The following GOLPH3 variants were observed in gnomAD, a reference collection of about 807,000 sequenced individuals.
The protein encoded by GOLPH3 is golgi phosphoprotein 3, also known as coat protein GPP34.
In GOLPH3, 14 loss-of-function variants were observed where a neutral mutation model predicts 28.5. That is an observed-to-expected ratio of 0.49 (90% CI 0.32 to 0.77). GOLPH3 has a LOEUF of 0.77. Ranked by LOEUF, GOLPH3 falls within the 30% of genes least tolerant of loss-of-function variation. The pLI is 0.03. For synonymous variants in GOLPH3, 158 were observed against 159.2 expected (o/e 0.99, Z 0.06); for missense variants, 350 against 393.7 (o/e 0.89, Z 0.94).
At chr5:32,138,513 T>G (rs936422188) in intron 2 of GOLPH3, among the ~76,000 whole-genome samples, 1 of 152,128 alleles carries the variant, frequency 6.6e-6, no homozygotes, top group Non-Finnish European at 1.5e-5. Context: ...ATTAGGTATA[T>G]CTCCTAATGC....
At chr5:32,141,870 C>A (rs1746070646) in intron 2 of GOLPH3, among the ~76,000 whole-genome samples, 1 of 148,564 alleles carries the variant, frequency 6.7e-6, no homozygotes. Context: ...TCCCGAGGTG[C>A]CGGGATTGCA....
At chr5:32,165,160 A>G (rs904345262) in intron 1 of GOLPH3, among the ~76,000 whole-genome samples, 2 of 152,062 alleles carry the variant, frequency 1.3e-5, no homozygotes, top group Non-Finnish European at 2.9e-5. Context: ...TCAGCCTCCC[A>G]AAGTGCTGGG....
Position 32,126,253 on chromosome 5 carries a change from T to C in GOLPH3, c.856A>G (p.Asn286Asp), listed in dbSNP as rs200737295. Residue 286 changes from asparagine to aspartate, a missense_variant, in exon 4 of 4, where the codon AAT (asparagine) becomes GAT (aspartate). Asn to Asp is a conservative substitution (Grantham distance 23). Coordinates refer to ENST00000265070, the MANE Select transcript of GOLPH3 (RefSeq NM_022130.4). Reference sequence around the variant, plus strand: ...GCCACCACCGCCCACAGAACCTCATTGGTGTTGGCCTTCAGACATTCCACT... The same window carrying C: ...GCCACCACCGCCCACAGAACCTCATCGGTGTTGGCCTTCAGACATTCCACT... ...PEVECLKANT[N>D]EVLWAVVAAF... 20 of 1,613,878 alleles carry C rather than the reference T, an allele frequency of 1.2e-5. No homozygotes were observed. In the Admixed American group the frequency reaches 2.7e-4, roughly 22 times the overall value.
intron 1 of GOLPH3, among the ~76,000 whole-genome samples, chr5:32,148,761 C>T (rs1310972980): frequency 6.6e-6 from 1 of 152,188 alleles, no homozygotes; most frequent in African/African-American, 2.4e-5. Flanking sequence ...CGCGCCAATG[C>T]ACTCCAGCCT....
Position 32,173,668 on chromosome 5 carries a change from T to A in GOLPH3, c.225+142A>T, listed in dbSNP as rs73752829. ...AACTCCGACACCGCTCGGCGTCAGC[T>A]GGGCGCCACCAGGCGCGGACTTCGG... On this transcript the variant is annotated intron_variant, in intron 1 of 3. Transcript: ENST00000265070. 2.3e-3 allele frequency: 1,120 copies of A among 495,274 alleles called. 18 individuals carry two copies. Among genetic ancestry groups the A allele is most frequent in the African/African-American group, 0.021 (1,040 of 49,500 alleles). 30.7% of individuals were successfully genotyped at this position (495,274 alleles called of 1,614,324 possible). A position where few individuals can be genotyped will look rare whatever the true frequency, so the allele number is the denominator to read the frequency against.
In GOLPH3 at chr5:32,133,628, T is replaced by C. The variant is rs373218015; in HGVS notation, c.472+1944A>G. On this transcript the variant is annotated intron_variant, in intron 3 of 3. Transcript: ENST00000265070. Reference sequence around the variant, plus strand: ...ATTATGTTTACTAATATTTAACATATAGAGTTGACATTAATGCCCTGAGTC... The same window carrying C: ...ATTATGTTTACTAATATTTAACATACAGAGTTGACATTAATGCCCTGAGTC... Among the ~76,000 whole-genome samples the C allele has an allele frequency of 2.7e-4, 41 of 152,370 alleles. No homozygotes were observed. In the South Asian group the frequency reaches 8.1e-3, roughly 30 times the overall value.
chr5:32,161,459 GGAAAGGTGGAGA>G (rs1427169348), intron 1 of GOLPH3, among the ~76,000 whole-genome samples: 1 of 150,254 alleles, frequency 6.7e-6, no homozygotes, highest in Non-Finnish European at 1.5e-5. Context: ...CTGAGAATAT[GGAAAGGTGGAGA>G]GAACTGCTGA....
intron 1 of GOLPH3, among the ~76,000 whole-genome samples, chr5:32,161,003 C>A (rs1746559486): frequency 7.0e-6 from 1 of 142,214 alleles, no homozygotes; most frequent in South Asian, 2.2e-4. Flanking sequence ...GGAGGCGGAG[C>A]CTGCAGTGAG....
chr5:32,134,030 T>C (rs554647172), intron 3 of GOLPH3, among the ~76,000 whole-genome samples: 3 of 152,346 alleles, frequency 2.0e-5, no homozygotes, highest in East Asian at 1.9e-4. Context: ...GTGCCCATTA[T>C]TGCCGTTAGC....
intron 1 of GOLPH3, among the ~76,000 whole-genome samples, chr5:32,150,666 GGAGTT>G (rs2111868848): frequency 6.6e-6 from 1 of 152,162 alleles, no homozygotes; most frequent in East Asian, 1.9e-4. Context: ...GAAATGTTAT[GGAGTT>G]AAGATTTTTT....
At chr5:32,131,395 T>C (rs926297316) in intron 3 of GOLPH3, among the ~76,000 whole-genome samples, 4 of 152,282 alleles carry the variant, frequency 2.6e-5, no homozygotes, top group Admixed American at 6.5e-5. Context: ...AAGACATCAG[T>C]ATAAGTGGGA....
chr5:32,162,491 C>CA (rs397967914), intron 1 of GOLPH3, among the ~76,000 whole-genome samples: 3,527 of 103,330 alleles, frequency 0.034, 63 homozygotes, highest in African/African-American at 0.064. Flanking sequence ...GACTCCGTCT[C>CA]AAAAAAAAAA....
intron 2 of GOLPH3, among the ~76,000 whole-genome samples, chr5:32,141,162 CAAAA>C (rs5867132): frequency 6.9e-5 from 8 of 116,190 alleles, no homozygotes; most frequent in Admixed American, 8.6e-5. Flanking sequence ...GACTCAGTCT[CAAAA>C]AAAAAAAAAA....
chr5:32,174,084 G>A lies in GOLPH3; in HGVS notation c.-50C>T, dbSNP rs929587457. ...GGCCGAGAGGGTCGCAGGACCGACC[G>A]GGTCGCCCTCCTCCTCCCCGCGCGG... is the stretch of plus-strand genomic sequence containing the variant. On this transcript the variant is annotated 5_prime_UTR_variant, in exon 1 of 4. Transcript: ENST00000265070. 2.2e-5 allele frequency: 26 copies of A among 1,196,320 alleles called. No individual in the cohort carries two copies. The highest frequency in any genetic ancestry group is 2.7e-5 in the Non-Finnish European group (26 of 954,188). The allele number at this position is 1,196,320 out of a possible 1,614,324, so 74.1% of individuals were successfully genotyped here. A position where few individuals can be genotyped will look rare whatever the true frequency, so the allele number is the denominator to read the frequency against.
chr5:32,164,880 A>G (rs899116927), intron 1 of GOLPH3, among the ~76,000 whole-genome samples: 2 of 151,044 alleles, frequency 1.3e-5, no homozygotes, highest in South Asian at 4.2e-4. Context: ...TAGCTTACTT[A>G]ATAAGGTAAA....
chr5:32,169,889 G>A (rs1406103187), intron 1 of GOLPH3, among the ~76,000 whole-genome samples: 1 of 150,206 alleles, frequency 6.7e-6, no homozygotes, highest in Non-Finnish European at 1.5e-5. Context: ...GAGGGGACTA[G>A]CCATCCCTGT....
chr5:32,137,614 G>T (rs1415080362), intron 2 of GOLPH3, among the ~76,000 whole-genome samples: 1 of 152,002 alleles, frequency 6.6e-6, no homozygotes, highest in African/African-American at 2.4e-5. Flanking sequence ...AGCTGAGATC[G>T]CACCTTTGCA....
At chr5:32,164,731 A>G (rs1418102547) in intron 1 of GOLPH3, among the ~76,000 whole-genome samples, 2 of 151,810 alleles carry the variant, frequency 1.3e-5, no homozygotes. Flanking sequence ...CCCAGAACCA[A>G]GTTTCACTCC....
intron 1 of GOLPH3, among the ~76,000 whole-genome samples, chr5:32,161,415 C>A (rs1581555378): frequency 7.2e-6 from 1 of 139,664 alleles, no homozygotes. Context: ...AAAAAAAAAA[C>A]CAAAGCTGAG....
Sources: allele counts gnomAD v4.1 joint callset (sites outside exome capture counted in the v4.1 genomes callset), GRCh38; gene constraint gnomAD v4.1.1; transcripts MANE v1.5; gene names NCBI Gene and HGNC (gene_info 2026-07-23, HGNC 2026-07-21).